The following UACA variants were observed in gnomAD, a reference collection of about 807,000 sequenced individuals.
UACA encodes uveal autoantigen with coiled-coil domains and ankyrin repeats.
Under a neutral mutation model 160.5 loss-of-function variants are expected in UACA, and 112 were observed. The ratio of observed to expected loss-of-function variants is 0.70; its 90% CI spans 0.60 to 0.82. UACA has a LOEUF of 0.82. Ranked by LOEUF, UACA falls within the 40% of genes least tolerant of loss-of-function variation. UACA has a pLI of 0.00. For missense variants in UACA, 1,574 were observed against 1,614.6 expected, an observed-to-expected ratio of 0.97 and a Z score of 0.43; for synonymous variants, 557 against 568.4, an observed-to-expected ratio of 0.98 and a Z score of 0.29.
intron 1 of UACA, among the ~76,000 whole-genome samples, chr15:70,712,734 C>T (rs1898720847): frequency 6.6e-6 from 1 of 152,142 alleles, no homozygotes. Flanking sequence ...TAATTAGTTG[C>T]AGAATGATTA....
At chr15:70,752,305 C>T (rs2030134897) in intron 1 of UACA, among the ~76,000 whole-genome samples, 1 of 151,274 alleles carries the variant, frequency 6.6e-6, no homozygotes. Context: ...TTCTTATACA[C>T]AGCTGAAAAG....
At chr15:70,697,094 G>A (rs1333415432) in intron 2 of UACA, among the ~76,000 whole-genome samples, 1 of 152,138 alleles carries the variant, frequency 6.6e-6, no homozygotes, top group Non-Finnish European at 1.5e-5. Flanking sequence ...TTAAAAACAA[G>A]ACATGGACTT....
intron 9 of UACA, chr15:70,681,659 A>T (rs1417142969): frequency 6.6e-6 from 1 of 152,116 alleles, no homozygotes; most frequent in Non-Finnish European, 1.5e-5. Context: ...CTCTACTCAC[A>T]CTTAGGTTAT....
chr15:70,745,268 A>T (rs1595920500), intron 1 of UACA, among the ~76,000 whole-genome samples: 1 of 150,164 alleles, frequency 6.7e-6, no homozygotes, highest in South Asian at 2.1e-4. Context: ...CTTCTCTACT[A>T]AAAAAAAATA....
chr15:70,682,040 C>G (rs1210270406), intron 9 of UACA: 2 of 152,196 alleles, frequency 1.3e-5, no homozygotes, highest in Non-Finnish European at 2.9e-5. Context: ...TGGAAGGGAA[C>G]AGTCAGCAGG....
the UACA span, among the ~76,000 whole-genome samples, chr15:70,776,535 C>A: frequency 2.0e-5 from 3 of 150,622 alleles, no homozygotes; most frequent in East Asian, 5.9e-4. Context: ...TCAAGCGATT[C>A]TCCTGCCTCA....
At chr15:70,712,076 A>ATATATATATATATATAT (rs1898700698) in intron 1 of UACA, among the ~76,000 whole-genome samples, 1 of 149,106 alleles carries the variant, frequency 6.7e-6, no homozygotes, top group Non-Finnish European at 1.5e-5. Flanking sequence ...ATCTCCATAT[A>ATATATATATATATATAT]CCTTCTTCAT....
intron 10 of UACA, among the ~76,000 whole-genome samples, chr15:70,678,534 C>T (rs1897367789): frequency 6.6e-6 from 1 of 152,140 alleles, no homozygotes; most frequent in African/African-American, 2.4e-5. Context: ...TTGCTTAAGA[C>T]CTCCCAAATT....
At chr15:70,677,831 A>G (rs1353458345) in intron 11 of UACA, among the ~76,000 whole-genome samples, 1 of 152,172 alleles carries the variant, frequency 6.6e-6, no homozygotes. Flanking sequence ...AATTCAACAG[A>G]AGTACCATCT....
rs752525197 is a variant in UACA at position 70,669,026 on chromosome 15, T to C, written c.1658A>G (p.Tyr553Cys). The C allele has an allele frequency of 2.7e-5, 43 of 1,613,950 alleles. No homozygotes were observed. In the Admixed American group the frequency reaches 5.7e-4, roughly 21 times the overall value. ...CCCCACTTCTGCTGAAGCACCTTCA[T>C]ATTTTACTTTCAAGTCTTTCAACTG... is the stretch of plus-strand genomic sequence containing the variant. ...KDQLKDLKVK[Y>C]EGASAEVGKL... Residue 553 changes from tyrosine to cysteine, a missense_variant, in exon 16 of 19, where the codon TAT becomes TGT. Coordinates refer to ENST00000322954, the MANE Select transcript of UACA (RefSeq NM_018003.4).
chr15:70,765,043 A>C (rs2030970311), upstream of UACA, among the ~76,000 whole-genome samples: 1 of 152,192 alleles, frequency 6.6e-6, no homozygotes, highest in Admixed American at 6.5e-5. Flanking sequence ...GCAGCTAACG[A>C]ATAAAATCTA....
chr15:70,711,331 C>G (rs1044638994), intron 1 of UACA, among the ~76,000 whole-genome samples: 1 of 151,748 alleles, frequency 6.6e-6, no homozygotes, highest in Non-Finnish European at 1.5e-5. Flanking sequence ...AAAATAAGTA[C>G]CAAAGAACTG....
intron 1 of UACA, among the ~76,000 whole-genome samples, chr15:70,706,495 C>T (rs1490484355): frequency 1.4e-5 from 2 of 145,632 alleles, no homozygotes; most frequent in Admixed American, 6.9e-5. Context: ...CATCTCTGTT[C>T]TCAAATGCAA....
intron 1 of UACA, among the ~76,000 whole-genome samples, chr15:70,745,766 A>C (rs1899688241): frequency 6.6e-6 from 1 of 152,206 alleles, no homozygotes; most frequent in Admixed American, 6.5e-5. Context: ...AAACAGGTAT[A>C]TAGACCAATG....
intron 1 of UACA, among the ~76,000 whole-genome samples, chr15:70,705,673 C>A (rs1174849975): frequency 6.6e-6 from 1 of 152,160 alleles, no homozygotes; most frequent in Admixed American, 6.5e-5. Context: ...ACAGAAAGAT[C>A]TACCATCGAG....
intron 7 of UACA, 82 bp downstream of exon 7, chr15:70,687,458 G>A: frequency 1.5e-6 from 2 of 1,328,802 alleles, no homozygotes; most frequent in Admixed American, 1.8e-5. Flanking sequence ...GGCCAAGTCA[G>A]AGAACAGAGC....
In UACA at chr15:70,763,376, T is replaced by C; in HGVS notation, c.32A>G (p.Gln11Arg). Reference sequence around the variant, plus strand: ...AGACGACGCGGGGCCGGGCACGTCCTGCCTCCTCAGGCGGGACTTGAGGCT... The same window carrying C: ...AGACGACGCGGGGCCGGGCACGTCCCGCCTCCTCAGGCGGGACTTGAGGCT... MKSLKSRLRRQDVPGPASSGA... is the reference protein window; with the variant it reads MKSLKSRLRRRDVPGPASSGA... The change falls in exon 1 of 19, where the codon CAG becomes CGG. Residue 11 changes from glutamine to arginine, a missense_variant. Coordinates refer to ENST00000322954, the MANE Select transcript of UACA (RefSeq NM_018003.4). The C allele has an allele frequency of 7.5e-7, 1 of 1,334,584 alleles. No homozygotes were observed. Among genetic ancestry groups the C allele is most frequent in the Non-Finnish European group, 9.6e-7 (1 of 1,036,816 alleles). 82.7% of individuals were successfully genotyped at this position (1,334,584 alleles called of 1,614,324 possible). A position where few individuals can be genotyped will look rare whatever the true frequency, so the allele number is the denominator to read the frequency against.
chr15:70,713,246 G>A (rs1355140213), intron 1 of UACA, among the ~76,000 whole-genome samples: 1 of 152,216 alleles, frequency 6.6e-6, no homozygotes, highest in Non-Finnish European at 1.5e-5. Flanking sequence ...AGCTACTCGG[G>A]AGGCTGAGGC....
chr15:70,769,297 C>A, the UACA span, among the ~76,000 whole-genome samples: 1 of 146,950 alleles, frequency 6.8e-6, no homozygotes, highest in African/African-American at 2.6e-5. Flanking sequence ...CGAGATGACA[C>A]CACTGCACTC....
Sources: gnomAD v4.1 joint callset for allele counts (sites outside exome capture counted in the v4.1 genomes callset) on GRCh38, gnomAD v4.1.1 for gene constraint, MANE v1.5 for transcripts, NCBI Gene and HGNC (gene_info 2026-07-23, HGNC 2026-07-21) for gene names.